Variants in DOCK9 observed in about 807,000 individuals in gnomAD.
DOCK9 encodes the protein dedicator of cytokinesis 9.
A neutral mutation model predicts 263.3 loss-of-function variants in DOCK9; 89 were observed. The observed-to-expected ratio is 0.34, with a 90% confidence interval of 0.28 to 0.40. The LOEUF (loss-of-function observed/expected upper bound fraction) is 0.40. Among genes scored for constraint, DOCK9 ranks in the 10% least tolerant of loss-of-function variants. The pLI, the probability that DOCK9 is intolerant of heterozygous loss-of-function variation, is 1.00. For synonymous variants in DOCK9, 976 were observed against 973.1 expected, an observed-to-expected ratio of 1.00 and a Z score of -0.06; for missense variants, 2,140 against 2,603.4, an observed-to-expected ratio of 0.82 and a Z score of 3.87.
In DOCK9 at chr13:98,808,590, C is replaced by T. The variant is rs116560393; in HGVS notation, c.5367+762G>A. The T allele has an allele frequency of 9.2e-4, 1,153 of 1,255,524 alleles. 5 individuals are homozygous for T. In the African/African-American group the frequency reaches 0.014, roughly 15 times the overall value. 77.8% of individuals were successfully genotyped at this position (1,255,524 alleles called of 1,614,324 possible). A position where few individuals can be genotyped will look rare whatever the true frequency, so the allele number is the denominator to read the frequency against. Reference sequence around the variant, plus strand: ...ATCCACATCAAACTAGGAGTTTAGACGCAGTAATTTCACTATATTACTTGC... The same window carrying T: ...ATCCACATCAAACTAGGAGTTTAGATGCAGTAATTTCACTATATTACTTGC... On this transcript the variant is annotated intron_variant, in intron 47 of 52. Transcript: ENST00000682017.
At chr13:98,823,730 ATATC>A (rs2092400458) in intron 45 of DOCK9, among the ~76,000 whole-genome samples, 1 of 152,268 alleles carries the variant, frequency 6.6e-6, no homozygotes. Flanking sequence ...ATTTATTCAA[ATATC>A]TAGTTTTATG....
intron 44 of DOCK9, 141 bp downstream of exon 44, chr13:98,826,689 C>A (rs560971988): frequency 3.0e-6 from 2 of 657,710 alleles, no homozygotes; most frequent in Admixed American, 3.0e-5. Context: ...GCAAACATCA[C>A]GCCAGGGGAT....
chr13:98,820,049 A>C (rs563684909), intron 45 of DOCK9, among the ~76,000 whole-genome samples: 1 of 152,266 alleles, frequency 6.6e-6, no homozygotes, highest in Non-Finnish European at 1.5e-5. Flanking sequence ...TATGTTCTAT[A>C]AAGTCACTGT....
intron 15 of DOCK9, among the ~76,000 whole-genome samples, chr13:98,890,748 T>A (rs1283574537): frequency 6.6e-6 from 1 of 152,210 alleles, no homozygotes; most frequent in Non-Finnish European, 1.5e-5. Flanking sequence ...CTTGGAATAT[T>A]TGTCACCTGA....
At chr13:98,951,980 C>T (rs1333010360) in intron 2 of DOCK9, among the ~76,000 whole-genome samples, 1 of 147,270 alleles carries the variant, frequency 6.8e-6, no homozygotes, top group East Asian at 2.1e-4. Context: ...TCACTGCAAC[C>T]TCCACCTCCC....
intron 1 of DOCK9, among the ~76,000 whole-genome samples, chr13:99,066,497 T>A (rs559716399): frequency 1.3e-5 from 2 of 152,218 alleles, no homozygotes; most frequent in Admixed American, 6.5e-5. Flanking sequence ...CAAAGAACTA[T>A]AATAGCATAC....
At chr13:98,823,733 T>A (rs745631993) in intron 45 of DOCK9, among the ~76,000 whole-genome samples, 1 of 152,366 alleles carries the variant, frequency 6.6e-6, no homozygotes, top group Middle Eastern at 3.4e-3. Flanking sequence ...TATTCAAATA[T>A]CTAGTTTTAT....
Position 98,925,902 on chromosome 13 carries a change from G to A in DOCK9, c.351C>T (p.Asn117=). The change falls in exon 4 of 53, where the codon AAC becomes AAT. Residue 117 remains asparagine, a synonymous_variant. Transcript: ENST00000682017. ...TATAGTTCACAAGATGCCAGTCAGA[G>A]TTATAGGTTTTGATGCACTATTGAA... ...LFVTECIKTY[N]SDWHLVNYKY... The A allele has an allele frequency of 6.3e-7, 1 of 1,585,272 alleles. No individual in the cohort carries two copies. Among genetic ancestry groups the A allele is most frequent in the Non-Finnish European group, 8.6e-7 (1 of 1,165,538 alleles).
At chr13:98,964,792 GC>G (rs2059029701) in intron 1 of DOCK9, among the ~76,000 whole-genome samples, 1 of 152,142 alleles carries the variant, frequency 6.6e-6, no homozygotes, top group Non-Finnish European at 1.5e-5. Flanking sequence ...TTAGGAGAAA[GC>G]CCTTCTGAAA....
intron 3 of DOCK9, among the ~76,000 whole-genome samples, chr13:98,927,714 G>A (rs562260293): frequency 2.6e-5 from 4 of 151,790 alleles, no homozygotes; most frequent in East Asian, 3.9e-4. Context: ...TCTGCCTCCC[G>A]GGTTCAAGCG....
In DOCK9 at chr13:98,845,834, T is replaced by A. The variant is rs2093372523; in HGVS notation, c.4198+90A>T. 9.3e-6 allele frequency: 14 copies of A among 1,507,268 alleles called. No homozygotes were observed. In the South Asian group the frequency reaches 1.6e-4, roughly 18 times the overall value. The allele number at this position is 1,507,268 out of a possible 1,614,324, so 93.4% of individuals were successfully genotyped here. A position where few individuals can be genotyped will look rare whatever the true frequency, so the allele number is the denominator to read the frequency against. ...CTTTGAGCTAGAAGAAAAATTGAGT[T>A]GGTGATGTGGTAGGTGTGGCCTAGG... On this transcript the variant is annotated intron_variant, in intron 38 of 52. Coordinates refer to ENST00000682017, the MANE Select transcript of DOCK9 (RefSeq NM_001366683.2).
At chr13:99,070,645 T>C (rs1415399779) in intron 1 of DOCK9, among the ~76,000 whole-genome samples, 2 of 152,210 alleles carry the variant, frequency 1.3e-5, no homozygotes, top group African/African-American at 2.4e-5. Flanking sequence ...CAAAGATCTA[T>C]GGGGTAAGTG....
intron 45 of DOCK9, among the ~76,000 whole-genome samples, chr13:98,811,524 C>T (rs1449943016): frequency 6.6e-6 from 1 of 152,080 alleles, no homozygotes; most frequent in Non-Finnish European, 1.5e-5. Flanking sequence ...CTCACTGTAA[C>T]CTCTGTCTCC....
intron 52 of DOCK9, 39 bp downstream of exon 52, chr13:98,797,076 C>T: frequency 6.2e-7 from 1 of 1,613,176 alleles, no homozygotes; most frequent in Admixed American, 1.7e-5. Context: ...AAACCCCTAA[C>T]CAAGAACTCC....
chr13:98,828,464 C>G (rs765129845), intron 43 of DOCK9, among the ~76,000 whole-genome samples: 2 of 152,114 alleles, frequency 1.3e-5, no homozygotes, highest in Non-Finnish European at 2.9e-5. Flanking sequence ...AATTTATAGT[C>G]AAAACTGTCA....
chr13:98,901,224 G>A (rs1398949902), intron 13 of DOCK9, among the ~76,000 whole-genome samples: 1 of 152,122 alleles, frequency 6.6e-6, no homozygotes, highest in African/African-American at 2.4e-5. Context: ...GTATGTCCAT[G>A]CCTAGGCACT....
At chr13:99,015,567 G>A in intron 1 of DOCK9, 1 of 1,598,128 alleles carries the variant, frequency 6.3e-7, no homozygotes, top group Non-Finnish European at 8.5e-7. Flanking sequence ...CAAAAACGGT[G>A]CGGATGCCTT....
At chr13:99,052,139 G>A (rs571389891) in intron 1 of DOCK9, among the ~76,000 whole-genome samples, 4 of 152,284 alleles carry the variant, frequency 2.6e-5, no homozygotes, top group African/African-American at 7.2e-5. Context: ...TCAGAGCTGG[G>A]GGCTTCTAGT....
intron 3 of DOCK9, among the ~76,000 whole-genome samples, chr13:98,929,195 A>G (rs1213551065): frequency 6.6e-6 from 1 of 152,320 alleles, no homozygotes; most frequent in African/African-American, 2.4e-5. Context: ...TACCTGGAGG[A>G]AAAAACAAAC....
Sources: allele counts gnomAD v4.1 joint callset (sites outside exome capture counted in the v4.1 genomes callset), GRCh38; gene constraint gnomAD v4.1.1; transcripts MANE v1.5; gene names NCBI Gene and HGNC (gene_info 2026-07-23, HGNC 2026-07-21).